Variants in MAP4K4 observed in about 807,000 individuals in gnomAD.
MAP4K4 encodes HPK/GCK-like kinase HGK.
A neutral mutation model predicts 189.6 loss-of-function variants in MAP4K4; 38 were observed. The observed-to-expected ratio is 0.20, with a 90% confidence interval of 0.15 to 0.26. MAP4K4 has a LOEUF of 0.26. Ranked by LOEUF, MAP4K4 falls within the 10% of genes least tolerant of loss-of-function variation. The pLI, the probability that MAP4K4 is intolerant of heterozygous loss-of-function variation, is 1.00. For missense variants in MAP4K4, 1,054 were observed against 1,726.9 expected, an observed-to-expected ratio of 0.61 and a Z score of 6.91; for synonymous variants, 610 against 624.3, an observed-to-expected ratio of 0.98 and a Z score of 0.34.
At chr2:101,797,889 G>GTGTTTTTTTGTTTTTTTTTT in intron 3 of MAP4K4, among the ~76,000 whole-genome samples, 1 of 52,324 alleles carries the variant, frequency 1.9e-5, no homozygotes, top group Middle Eastern at 0.016. Context: ...CATTCTTTTA[G>GTGTTTTTTTGTTTTTTTTTT]TTTTTTTTTT....
chr2:101,755,680 C>G (rs937099050), intron 2 of MAP4K4, among the ~76,000 whole-genome samples: 2 of 152,010 alleles, frequency 1.3e-5, no homozygotes, highest in African/African-American at 2.4e-5. Context: ...TCCTCATCTG[C>G]CTCTTAAGTT....
chr2:101,797,358 C>T lies in MAP4K4; in HGVS notation c.180+6582C>T, dbSNP rs1226114920. On this transcript the variant is annotated intron_variant, in intron 3 of 32. Transcript: ENST00000324219. The stretch of plus-strand genomic sequence containing the variant: ...GCTTTGCATGACTCTGGCAGACTTA[C>T]CACAGGATCATTCAACGTTGTCAGG... The T allele has an allele frequency of 2.3e-6, 3 of 1,290,688 alleles. No individual in the cohort carries two copies. In the Admixed American group the frequency reaches 6.9e-5, roughly 30 times the overall value. 80.0% of individuals were successfully genotyped at this position (1,290,688 alleles called of 1,614,324 possible).
At chr2:101,848,640 C>G in intron 12 of MAP4K4, among the ~76,000 whole-genome samples, 1 of 152,204 alleles carries the variant, frequency 6.6e-6, no homozygotes, top group Admixed American at 6.5e-5. Context: ...TCCACACACT[C>G]CTGTCTCTGC....
intron 27 of MAP4K4, among the ~76,000 whole-genome samples, chr2:101,881,451 C>T (rs2098387230): frequency 6.6e-6 from 1 of 152,156 alleles, no homozygotes; most frequent in African/African-American, 2.4e-5. Flanking sequence ...TCTACCTAGA[C>T]AGTCATGTCT....
chr2:101,732,720 C>G (rs943693089), intron 2 of MAP4K4, among the ~76,000 whole-genome samples: 1 of 152,210 alleles, frequency 6.6e-6, no homozygotes, highest in Non-Finnish European at 1.5e-5. Flanking sequence ...TCCTGAGTAG[C>G]TGGGACTACA....
chr2:101,790,624 T>G lies in MAP4K4; in HGVS notation c.124-96T>G, dbSNP rs2092706429. The stretch of plus-strand genomic sequence containing the variant: ...TTTGGTTAGTCAGAGATAAGTATAG[T>G]TGAGATACGATTTGTTGGAAACTTC... On this transcript the variant is annotated intron_variant, in intron 2 of 32. Coordinates refer to ENST00000324219, the Ensembl canonical transcript of MAP4K4. 3 of 833,204 alleles carry G rather than the reference T, an allele frequency of 3.6e-6. No homozygotes were observed. The African/African-American group carries it at 5.0e-5, about 14-fold the overall frequency. 51.6% of individuals were successfully genotyped at this position (833,204 alleles called of 1,614,324 possible). A position where few individuals can be genotyped will look rare whatever the true frequency, so the allele number is the denominator to read the frequency against.
chr2:101,822,324 A>G lies in MAP4K4; in HGVS notation c.181-1604A>G, dbSNP rs751493840. ...TGGGAATTTTTCAGCTTCATTTATA[A>G]TTTTATGGGTTCACTGTTGTATTTG... On this transcript the variant is annotated intron_variant, in intron 3 of 32. Coordinates refer to ENST00000324219, the Ensembl canonical transcript of MAP4K4. Among the ~76,000 whole-genome samples the G allele has an allele frequency of 9.9e-5, 15 of 152,278 alleles. 1 individual carries two copies. In the South Asian group the frequency reaches 2.5e-3, roughly 25 times the overall value.
intron 2 of MAP4K4, among the ~76,000 whole-genome samples, chr2:101,773,150 A>G (rs2082284476): frequency 1.3e-5 from 2 of 152,158 alleles, no homozygotes; most frequent in Admixed American, 6.5e-5. Context: ...TGATTGTAGC[A>G]CTAGAGGCAG....
chr2:101,818,899 T>G (rs2095870588), intron 3 of MAP4K4, among the ~76,000 whole-genome samples: 1 of 152,172 alleles, frequency 6.6e-6, no homozygotes, highest in South Asian at 2.1e-4. Flanking sequence ...GCCACACCAT[T>G]TGAGTAACCA....
intron 3 of MAP4K4, among the ~76,000 whole-genome samples, chr2:101,810,618 A>G (rs1430463956): frequency 6.6e-6 from 1 of 152,158 alleles, no homozygotes; most frequent in East Asian, 1.9e-4. Context: ...GAAATTTACC[A>G]CTGAAGGATC....
intron 2 of MAP4K4, among the ~76,000 whole-genome samples, chr2:101,785,041 C>T (rs950651675): frequency 1.3e-5 from 2 of 152,166 alleles, no homozygotes; most frequent in Non-Finnish European, 2.9e-5. Context: ...ACAGTCCAAC[C>T]TCAGGACTGT....
In MAP4K4 at chr2:101,867,202, A is replaced by T; in HGVS notation, c.2357-10A>T. Reference sequence around the variant, plus strand: ...GTGTCTGTCCATCTTGTCCCTTTTGAACCCAACAGCATCATCCAAGTCTGA... The same window carrying T: ...GTGTCTGTCCATCTTGTCCCTTTTGTACCCAACAGCATCATCCAAGTCTGA... On this transcript the variant is annotated splice_polypyrimidine_tract_variant and intron_variant, in intron 19 of 32. Coordinates refer to ENST00000324219, the Ensembl canonical transcript of MAP4K4. 6.4e-7 allele frequency: 1 copy of T among 1,574,684 alleles called. No individual in the cohort carries two copies. Among genetic ancestry groups the T allele is most frequent in the Non-Finnish European group, 8.7e-7 (1 of 1,151,538 alleles).
At chr2:101,748,070 T>C (rs2066572851) in intron 2 of MAP4K4, among the ~76,000 whole-genome samples, 1 of 152,238 alleles carries the variant, frequency 6.6e-6, no homozygotes, top group South Asian at 2.1e-4. Context: ...CTGTTTTCTA[T>C]ATCCTCTTAT....
At chr2:101,736,870 A>C (rs1457156923) in intron 2 of MAP4K4, among the ~76,000 whole-genome samples, 5 of 152,176 alleles carry the variant, frequency 3.3e-5, no homozygotes, top group Non-Finnish European at 7.3e-5. Flanking sequence ...TTGTCTATTA[A>C]ATTTAAAGCA....
At chr2:101,811,063 T>C (rs2095389792) in intron 3 of MAP4K4, among the ~76,000 whole-genome samples, 1 of 152,116 alleles carries the variant, frequency 6.6e-6, no homozygotes. Flanking sequence ...CTAAGTTTAG[T>C]TAGTCTAGGC....
At chr2:101,731,196 A>G (rs955765988) in intron 2 of MAP4K4, among the ~76,000 whole-genome samples, 3 of 151,782 alleles carry the variant, frequency 2.0e-5, no homozygotes, top group Non-Finnish European at 4.4e-5. Flanking sequence ...GGCTCACTGC[A>G]ACCTCCGCCC....
chr2:101,778,912 C>T (rs866089357), intron 2 of MAP4K4, among the ~76,000 whole-genome samples: 8 of 152,102 alleles, frequency 5.3e-5, no homozygotes, highest in Non-Finnish European at 1.0e-4. Context: ...ACACCTGAGT[C>T]GGAATTCCAC....
At chr2:101,870,329 T>C (rs757094416) in exon 23 of MAP4K4, 4 of 1,613,378 alleles carry the variant, frequency 2.5e-6, no homozygotes, top group Non-Finnish European at 3.4e-6. Flanking sequence ...TGAAACGGAA[T>C]CTGTGAAAAC....
chr2:101,751,554 C>T (rs1465654609), intron 2 of MAP4K4, among the ~76,000 whole-genome samples: 2 of 152,214 alleles, frequency 1.3e-5, no homozygotes, highest in Non-Finnish European at 2.9e-5. Flanking sequence ...ATACTGAATA[C>T]TAGGCACTGC....
Sources: gnomAD v4.1 joint callset for allele counts (sites outside exome capture counted in the v4.1 genomes callset) on GRCh38, gnomAD v4.1.1 for gene constraint, MANE v1.5 for transcripts, NCBI Gene and HGNC (gene_info 2026-07-23, HGNC 2026-07-21) for gene names.